CDH12: variants seen among roughly 807,000 people sequenced by gnomAD.
CDH12 encodes the protein cadherin-12.
A neutral mutation model predicts 74.1 loss-of-function variants in CDH12; 41 were observed. The ratio of observed to expected loss-of-function variants is 0.55; its 90% CI spans 0.43 to 0.72. CDH12 has a LOEUF of 0.72. Ranked by LOEUF, CDH12 falls within the 30% of genes least tolerant of loss-of-function variation. The probability of loss-of-function intolerance (pLI) is 0.00; values close to 1 mark genes in which losing one functional copy is unlikely to be tolerated. For missense variants in CDH12, 945 were observed against 977.2 expected (o/e 0.97, Z 0.44); for synonymous variants, 399 against 355.0 (o/e 1.12, Z -1.39).
chr5:22,392,995 T>C (rs921991200), intron 3 of CDH12, among the ~76,000 whole-genome samples: 5 of 152,116 alleles, frequency 3.3e-5, no homozygotes, highest in African/African-American at 1.2e-4. Flanking sequence ...TAGATACCTC[T>C]TATATGGATC....
At chr5:22,400,997 T>A (rs1308943441) in intron 3 of CDH12, among the ~76,000 whole-genome samples, 1 of 152,164 alleles carries the variant, frequency 6.6e-6, no homozygotes, top group African/African-American at 2.4e-5. Flanking sequence ...TGTACTCAAC[T>A]TCTATACATT....
At chr5:22,584,886 A>G (rs1292214043) in intron 1 of CDH12, among the ~76,000 whole-genome samples, 2 of 152,122 alleles carry the variant, frequency 1.3e-5, no homozygotes, top group Non-Finnish European at 2.9e-5. Flanking sequence ...ACTCTTTAAC[A>G]CCATTTCTTT....
chr5:22,159,059 A>G (rs750806361), intron 4 of CDH12, among the ~76,000 whole-genome samples: 3 of 152,140 alleles, frequency 2.0e-5, no homozygotes, highest in Non-Finnish European at 4.4e-5. Context: ...GAAAAGGTCC[A>G]TAGTTTTAGC....
chr5:22,639,526 C>A (rs1739031182), intron 1 of CDH12, among the ~76,000 whole-genome samples: 1 of 149,858 alleles, frequency 6.7e-6, no homozygotes, highest in South Asian at 2.1e-4. Context: ...CAACATGAGG[C>A]AATTGCCGAC....
At chr5:22,074,568 A>T (rs1423446529) in intron 5 of CDH12, among the ~76,000 whole-genome samples, 1 of 152,214 alleles carries the variant, frequency 6.6e-6, no homozygotes, top group Non-Finnish European at 1.5e-5. Flanking sequence ...TACTCATCTG[A>T]CAAAGGGCTA....
At chr5:22,308,690 T>C (rs1738232967) in intron 3 of CDH12, among the ~76,000 whole-genome samples, 1 of 152,066 alleles carries the variant, frequency 6.6e-6, no homozygotes, top group South Asian at 2.1e-4. Flanking sequence ...ATCCTTAACT[T>C]GATCACATCG....
intron 4 of CDH12, among the ~76,000 whole-genome samples, chr5:22,174,741 A>G (rs1301730437): frequency 6.6e-6 from 1 of 151,982 alleles, no homozygotes; most frequent in Non-Finnish European, 1.5e-5. Flanking sequence ...GTGGATTTCT[A>G]ATTAACCGAA....
chr5:22,000,060 T>C (rs1375049463), intron 5 of CDH12, among the ~76,000 whole-genome samples: 4 of 152,114 alleles, frequency 2.6e-5, no homozygotes, highest in African/African-American at 9.7e-5. Context: ...CATTTGCTGT[T>C]ATTAATGAAG....
chr5:22,336,778 G>A (rs1454787269), intron 3 of CDH12, among the ~76,000 whole-genome samples: 2 of 152,246 alleles, frequency 1.3e-5, no homozygotes, highest in African/African-American at 2.4e-5. Context: ...TGCTAGGGCA[G>A]TGTGGAAGGG....
At chr5:22,326,140 T>A (rs1011865419) in intron 3 of CDH12, among the ~76,000 whole-genome samples, 1 of 152,294 alleles carries the variant, frequency 6.6e-6, no homozygotes, top group South Asian at 2.1e-4. Context: ...TCACCTAATG[T>A]CAGTATTTGG....
intron 4 of CDH12, among the ~76,000 whole-genome samples, chr5:22,105,154 C>T (rs557922477): frequency 4.6e-5 from 7 of 151,842 alleles, no homozygotes; most frequent in African/African-American, 1.2e-4. Context: ...TGCAGTGGTA[C>T]GATCTCAGCT....
intron 6 of CDH12, among the ~76,000 whole-genome samples, chr5:21,924,293 C>T (rs1237095893): frequency 6.6e-6 from 1 of 151,988 alleles, no homozygotes; most frequent in Non-Finnish European, 1.5e-5. Context: ...TTTCGAAGGC[C>T]GAGGCCGAGG....
intron 10 of CDH12, among the ~76,000 whole-genome samples, chr5:21,789,380 C>T (rs1198237929): frequency 2.0e-5 from 3 of 152,012 alleles, no homozygotes; most frequent in Admixed American, 6.6e-5. Context: ...GGAGTGGGAG[C>T]GGGGAGCAGG....
intron 1 of CDH12, among the ~76,000 whole-genome samples, chr5:22,538,359 G>T (rs899133227): frequency 4.6e-5 from 7 of 152,146 alleles, no homozygotes; most frequent in Non-Finnish European, 1.0e-4. Flanking sequence ...AGATGGATTA[G>T]TCTCTCCACC....
chr5:21,909,969 A>T (rs1419873104), intron 6 of CDH12, among the ~76,000 whole-genome samples: 2 of 152,174 alleles, frequency 1.3e-5, no homozygotes, highest in Admixed American at 1.3e-4. Flanking sequence ...TATGGAGGTC[A>T]TATTGAAATT....
intron 3 of CDH12, among the ~76,000 whole-genome samples, chr5:22,319,098 C>G (rs1387167566): frequency 6.6e-6 from 1 of 152,066 alleles, no homozygotes; most frequent in Non-Finnish European, 1.5e-5. Flanking sequence ...ACAACCACCA[C>G]AGAAAAATCA....
intron 1 of CDH12, among the ~76,000 whole-genome samples, chr5:22,661,334 A>C (rs1042744693): frequency 2.0e-5 from 3 of 152,158 alleles, no homozygotes; most frequent in African/African-American, 7.2e-5. Flanking sequence ...ATCAGTGCCT[A>C]GCCCTTTTGA....
chr5:22,821,036 A>G (rs1001672142), intron 1 of CDH12, among the ~76,000 whole-genome samples: 1 of 152,170 alleles, frequency 6.6e-6, no homozygotes, highest in Non-Finnish European at 1.5e-5. Context: ...CTTATCCACC[A>G]TGATCAAGTG....
chr5:22,310,788 T>C (rs1738356337), intron 3 of CDH12, among the ~76,000 whole-genome samples: 1 of 152,312 alleles, frequency 6.6e-6, no homozygotes, highest in East Asian at 1.9e-4. Context: ...TCATCATGGA[T>C]GTTCCCTGGG....
Sources: allele counts gnomAD v4.1 joint callset (sites outside exome capture counted in the v4.1 genomes callset), GRCh38; gene constraint gnomAD v4.1.1; transcripts MANE v1.5; gene names NCBI Gene and HGNC (gene_info 2026-07-23, HGNC 2026-07-21).